Variants in CFAP299 observed in about 807,000 individuals in gnomAD.
CFAP299 encodes cilia- and flagella-associated protein 299.
A neutral mutation model predicts 27.0 loss-of-function variants in CFAP299; 21 were observed. The observed-to-expected ratio is 0.78, with a 90% CI of 0.55 to 1.12. The LOEUF is 1.12. Among genes scored for constraint, CFAP299 ranks in the 50% most tolerant of loss-of-function variants. CFAP299 has a pLI of 0.00. For synonymous variants in CFAP299, 104 were observed against 98.1 expected, an observed-to-expected ratio of 1.06 and a Z score of -0.36; for missense variants, 310 against 276.6, an observed-to-expected ratio of 1.12 and a Z score of -0.86.
chr4:80,950,460 G>A (rs777361278), intron 5 of CFAP299, among the ~76,000 whole-genome samples: 1 of 152,152 alleles, frequency 6.6e-6, no homozygotes, highest in Non-Finnish European at 1.5e-5. Flanking sequence ...GAGGCAGAAT[G>A]TACTTTGGAC....
At chr4:80,682,971 A>T (rs149059940) in intron 3 of CFAP299, among the ~76,000 whole-genome samples, 1 of 152,314 alleles carries the variant, frequency 6.6e-6, no homozygotes, top group Non-Finnish European at 1.5e-5. Context: ...TTGCTATATC[A>T]ATTCATCATT....
At chr4:80,390,746 T>G (rs954419500) in intron 2 of CFAP299, among the ~76,000 whole-genome samples, 3 of 94,876 alleles carry the variant, frequency 3.2e-5, no homozygotes, top group Non-Finnish European at 4.4e-5. Flanking sequence ...TATATATGTA[T>G]ATATACACAC....
intron 2 of CFAP299, among the ~76,000 whole-genome samples, chr4:80,464,718 G>A (rs963689459): frequency 3.3e-5 from 5 of 152,000 alleles, no homozygotes; most frequent in African/African-American, 1.2e-4. Flanking sequence ...TGGACCAAAT[G>A]ACATACAACC....
intron 3 of CFAP299, among the ~76,000 whole-genome samples, chr4:80,733,827 A>G (rs10000078): frequency 0.35 from 53,485 of 151,990 alleles, 11,848 homozygotes; most frequent in African/African-American, 0.63. Flanking sequence ...ATAGTACTCC[A>G]TTGTGTATAA....
At chr4:80,324,343 A>G in the CFAP299 span, among the ~76,000 whole-genome samples, 1 of 152,252 alleles carries the variant, frequency 6.6e-6, no homozygotes, top group Non-Finnish European at 1.5e-5. Context: ...TTATTATCAA[A>G]GCCTCTAAAA....
At chr4:80,469,721 A>G (rs761553217) in intron 2 of CFAP299, among the ~76,000 whole-genome samples, 1 of 152,118 alleles carries the variant, frequency 6.6e-6, no homozygotes, top group Non-Finnish European at 1.5e-5. Flanking sequence ...ATTTTTATTA[A>G]TGAGAATTAT....
Position 80,354,035 on chromosome 4 carries a change from C to G in CFAP299, c.112-8719C>G, listed in dbSNP as rs2109987799. Among the ~76,000 whole-genome samples, 2 of 152,232 alleles carry G rather than the reference C, an allele frequency of 1.3e-5. 1 individual carries two copies. Among genetic ancestry groups the G allele is most frequent in the South Asian group, 4.1e-4 (2 of 4,822 alleles). On this transcript the variant is annotated intron_variant, in intron 1 of 5. Coordinates refer to ENST00000358105, the MANE Select transcript of CFAP299 (RefSeq NM_152770.3). ...AAGAAGACTGTTTGCAGATATTTTG[C>G]AGACACTTATTTAATATATTTATTA... is the stretch of plus-strand genomic sequence containing the variant.
chr4:80,779,173 T>C (rs1726730231), intron 3 of CFAP299, among the ~76,000 whole-genome samples: 1 of 152,106 alleles, frequency 6.6e-6, no homozygotes, highest in Non-Finnish European at 1.5e-5. Flanking sequence ...TGGGCAAAGC[T>C]AAAGCCTGCA....
At chr4:80,832,229 CA>C (rs1419877607) in intron 3 of CFAP299, among the ~76,000 whole-genome samples, 1 of 152,148 alleles carries the variant, frequency 6.6e-6, no homozygotes, top group Non-Finnish European at 1.5e-5. Context: ...TACATAACTC[CA>C]GAGGGTAACA....
At chr4:80,910,266 G>A (rs1735401209) in intron 4 of CFAP299, among the ~76,000 whole-genome samples, 3 of 152,144 alleles carry the variant, frequency 2.0e-5, no homozygotes, top group Admixed American at 6.5e-5. Context: ...GTGGAAAAGA[G>A]TGTGGTGATC....
chr4:80,535,956 C>T (rs1450594539), intron 2 of CFAP299, among the ~76,000 whole-genome samples: 1 of 152,076 alleles, frequency 6.6e-6, no homozygotes. Flanking sequence ...GATCATCAAG[C>T]TAGGGAGAGA....
chr4:80,576,206 A>ATATG (rs1735855354), intron 2 of CFAP299, among the ~76,000 whole-genome samples: 11 of 148,664 alleles, frequency 7.4e-5, no homozygotes, highest in African/African-American at 2.7e-4. Context: ...AAATATATAT[A>ATATG]TATATATATA....
chr4:80,669,145 C>CTTTTTTTTTTTTTT (rs1741316478), intron 3 of CFAP299, among the ~76,000 whole-genome samples: 2 of 16,420 alleles, frequency 1.2e-4, no homozygotes, highest in African/African-American at 1.7e-4. Context: ...TTCTTTCTTT[C>CTTTTTTTTTTTTTT]TTTCTTTTTT....
At position 80,932,999 on chromosome 4, in the gene CFAP299, T is replaced by C. The variant is rs186049216; in HGVS notation, c.477-11811T>C. ...AATATAACATCTTCTATATTCCATT[T>C]TATTAAAAAATTACATATATTTAAG... On this transcript the variant is annotated intron_variant, in intron 4 of 5. Transcript: ENST00000358105. 4.0e-3 allele frequency among the ~76,000 whole-genome samples: 616 copies of C among 152,318 alleles called. 1 individual carries two copies. The highest frequency in any genetic ancestry group is 0.014 in the Middle Eastern group (4 of 294).
chr4:80,809,813 C>G (rs1729051167), intron 3 of CFAP299, among the ~76,000 whole-genome samples: 1 of 152,066 alleles, frequency 6.6e-6, no homozygotes, highest in Non-Finnish European at 1.5e-5. Flanking sequence ...TGTATCCCTT[C>G]CTAAAATGTG....
intron 5 of CFAP299, among the ~76,000 whole-genome samples, chr4:80,954,355 A>G (rs1239879501): frequency 6.6e-6 from 1 of 152,186 alleles, no homozygotes; most frequent in African/African-American, 2.4e-5. Context: ...AATACTCATA[A>G]TTTCTCAAAA....
At chr4:80,505,567 C>T (rs1288719327) in intron 2 of CFAP299, among the ~76,000 whole-genome samples, 1 of 151,992 alleles carries the variant, frequency 6.6e-6, no homozygotes, top group Non-Finnish European at 1.5e-5. Flanking sequence ...TAGGTTCAAC[C>T]ACCCTGTATT....
intron 2 of CFAP299, among the ~76,000 whole-genome samples, chr4:80,421,627 C>T (rs542458745): frequency 5.3e-5 from 8 of 152,110 alleles, no homozygotes; most frequent in Non-Finnish European, 8.8e-5. Context: ...AATAACTTAA[C>T]GTACACTAAG....
At chr4:80,454,972 G>C (rs533738056) in intron 2 of CFAP299, among the ~76,000 whole-genome samples, 1 of 152,166 alleles carries the variant, frequency 6.6e-6, no homozygotes, top group Non-Finnish European at 1.5e-5. Flanking sequence ...CACAAGACCA[G>C]ATGAGCCAGT....
Sources: allele counts gnomAD v4.1 joint callset (sites outside exome capture counted in the v4.1 genomes callset), GRCh38; gene constraint gnomAD v4.1.1; transcripts MANE v1.5; gene names NCBI Gene and HGNC (gene_info 2026-07-23, HGNC 2026-07-21).